The following TLR5 variants were observed in gnomAD, a reference collection of about 807,000 sequenced individuals.
TLR5 encodes toll like receptor 5.
For missense variants in TLR5, 944 were observed against 999.8 expected, an observed-to-expected ratio of 0.94 and a Z score of 0.75; for synonymous variants, 373 against 384.4, an observed-to-expected ratio of 0.97 and a Z score of 0.35.
At chr1:223,119,176 A>AT (rs945472396) in intron 5 of TLR5, among the ~76,000 whole-genome samples, 18 of 152,100 alleles carry the variant, frequency 1.2e-4, no homozygotes, top group Admixed American at 3.3e-4. Context: ...TTAGAATTTA[A>AT]TTTTTGGTTG....
chr1:223,117,572 A>G (rs1656734726), intron 5 of TLR5, among the ~76,000 whole-genome samples: 1 of 151,740 alleles, frequency 6.6e-6, no homozygotes. Flanking sequence ...CAAAAAAAAA[A>G]AAAAAAAAAA....
At position 223,111,115 on chromosome 1, in the gene TLR5, C is replaced by T. The variant is rs1190584238; in HGVS notation, c.1917G>A (p.Lys639=). 6.2e-7 allele frequency: 1 copy of T among 1,614,142 alleles called. No homozygotes were observed. The highest frequency in any genetic ancestry group is 2.2e-5 in the East Asian group (1 of 44,888). The change falls in exon 6 of 6, where the codon AAG becomes AAA. Residue 639 remains lysine (K), a synonymous_variant. Transcript: ENST00000642603. ...CDEEEVLKSL[K]FSLFIVCTVT... Reference sequence around the variant, plus strand: ...CAGTGCATACAATGAAAAGGGAGAACTTTAGGGACTTTAAGACTTCCTCTT... The same window carrying T: ...CAGTGCATACAATGAAAAGGGAGAATTTTAGGGACTTTAAGACTTCCTCTT...
chr1:223,128,980 C>T (rs1195058256), intron 5 of TLR5: 1 of 152,318 alleles, frequency 6.6e-6, no homozygotes, highest in Non-Finnish European at 1.5e-5. Flanking sequence ...GGCCTTCTCT[C>T]CGACCTTCCT....
At chr1:223,116,418 G>A (rs1021005820) in intron 5 of TLR5, among the ~76,000 whole-genome samples, 7 of 152,154 alleles carry the variant, frequency 4.6e-5, no homozygotes, top group South Asian at 4.2e-4. Flanking sequence ...CTTCCCATCC[G>A]GAGTTGTTCA....
rs1656314476 is a variant in TLR5 at position 223,111,208 on chromosome 1, T to C, written c.1824A>G (p.Ile608Met). The C allele has an allele frequency of 6.2e-7, 1 of 1,614,156 alleles. No homozygotes were observed. The highest frequency in any genetic ancestry group is 1.3e-5 in the African/African-American group (1 of 75,038). ...NVTIAGPPAD[I>M]YCVYPDSFSG... is the part of the protein sequence containing the mutation. ...AGAACGAGTCAGGGTACACACAATA[T>C]ATGTCTGCAGGAGGCCCAGCTATAG... is the stretch of plus-strand genomic sequence containing the variant. Residue 608 changes from isoleucine to methionine, a missense_variant, in exon 6 of 6, where the codon ATA becomes ATG. Physicochemically the swap from Ile to Met is conservative, Grantham distance 10. Transcript: ENST00000642603.
chr1:223,124,882 G>T (rs1159765065), intron 5 of TLR5, among the ~76,000 whole-genome samples: 3 of 152,176 alleles, frequency 2.0e-5, no homozygotes, highest in East Asian at 1.9e-4. Flanking sequence ...AGGATTACAG[G>T]CCTGAGCCAC....
At chr1:223,120,589 C>A (rs932338009) in intron 5 of TLR5, among the ~76,000 whole-genome samples, 1 of 152,176 alleles carries the variant, frequency 6.6e-6, no homozygotes, top group African/African-American at 2.4e-5. Flanking sequence ...AATAAACTCT[C>A]GAAATATTTT....
At chr1:223,139,063 C>T (rs897908071) in intron 2 of TLR5, among the ~76,000 whole-genome samples, 2 of 152,240 alleles carry the variant, frequency 1.3e-5, no homozygotes, top group African/African-American at 2.4e-5. Context: ...ATTGTGAGGC[C>T]TCCCCAACCA....
intron 5 of TLR5, chr1:223,123,873 CCAG>C (rs980022239): frequency 5.3e-5 from 8 of 152,168 alleles, no homozygotes; most frequent in African/African-American, 1.9e-4. Flanking sequence ...GCGCCCGACC[CCAG>C]CGGAGGAGTG....
chr1:223,110,731 C>T lies in TLR5; in HGVS notation c.2301G>A (p.Trp767Ter), dbSNP rs758423797. 1 of 1,614,166 alleles carries T rather than the reference C, an allele frequency of 6.2e-7. No individual in the cohort carries two copies. Among genetic ancestry groups the T allele is most frequent in the South Asian group, 1.1e-5 (1 of 91,084 alleles). ...LVSRHFLRDG[W>*]CLEAFSYAQG... Reference sequence around the variant, plus strand: ...GGGCATAACTGAAGGCTTCAAGGCACCAGCCATCTCTAAGGAAGTGTCTGC... The same window carrying T: ...GGGCATAACTGAAGGCTTCAAGGCATCAGCCATCTCTAAGGAAGTGTCTGC... Residue 767 changes from tryptophan to a stop codon, truncating the protein, a stop_gained, in exon 6 of 6, where the codon TGG becomes TGA. Coordinates refer to ENST00000642603, the MANE Select transcript of TLR5 (RefSeq NM_003268.6). LOFTEE classifies it low-confidence loss of function (END_TRUNC).
chr1:223,138,531 C>T (rs1348432743), intron 2 of TLR5, among the ~76,000 whole-genome samples: 1 of 152,188 alleles, frequency 6.6e-6, no homozygotes, highest in Non-Finnish European at 1.5e-5. Context: ...TGCCACTATG[C>T]TCCCAAAATC....
intron 5 of TLR5, among the ~76,000 whole-genome samples, chr1:223,123,230 C>G (rs1657020649): frequency 6.6e-6 from 1 of 152,136 alleles, no homozygotes; most frequent in Non-Finnish European, 1.5e-5. Context: ...AGTGAGAATG[C>G]CAGCTCTGAA....
intron 3 of TLR5, among the ~76,000 whole-genome samples, chr1:223,136,092 T>C (rs929608740): frequency 7.9e-5 from 12 of 152,050 alleles, no homozygotes; most frequent in African/African-American, 2.9e-4. Flanking sequence ...ACAAAGTCTT[T>C]GCCAAGTTGG....
intron 1 of TLR5, 79 bp from the exon 2 acceptor site, chr1:223,141,842 GAGAGAGAGAGAGAGAA>G (rs1435333431): frequency 6.9e-6 from 1 of 145,834 alleles, no homozygotes; most frequent in East Asian, 2.0e-4. Flanking sequence ...GAGAGAGAGA[GAGAGAGAGAGAGAGAA>G]AGAGAGAGAG....
At chr1:223,129,707 C>T (rs1571756341) in intron 5 of TLR5, 2 of 152,286 alleles carry the variant, frequency 1.3e-5, no homozygotes, top group Admixed American at 1.3e-4. Flanking sequence ...ACAGGCAGTC[C>T]GTTCATGCGG....
At chr1:223,120,494 AAGCTGTAGCCTGAACACCTT>A (rs1656908916) in intron 5 of TLR5, among the ~76,000 whole-genome samples, 1 of 152,206 alleles carries the variant, frequency 6.6e-6, no homozygotes, top group Non-Finnish European at 1.5e-5. Flanking sequence ...ATACAAAACC[AAGCTGTAGCCTGAACACCTT>A]AGGCACATGT....
intron 1 of TLR5, 59 bp from the exon 2 acceptor site, chr1:223,141,822 T>TATAGAGAGAG (rs1398290863): frequency 2.3e-5 from 1 of 42,988 alleles, no homozygotes; most frequent in Non-Finnish European, 4.3e-5. Context: ...TATATATATA[T>TATAGAGAGAG]AGAGAGAGAG....
At chr1:223,116,822 T>G (rs1656678345) in intron 5 of TLR5, among the ~76,000 whole-genome samples, 1 of 152,164 alleles carries the variant, frequency 6.6e-6, no homozygotes, top group Non-Finnish European at 1.5e-5. Context: ...AGGGTGCTGA[T>G]TGGTGTATTT....
chr1:223,129,279 T>A (rs994897685), intron 5 of TLR5: 1 of 152,294 alleles, frequency 6.6e-6, no homozygotes, highest in Non-Finnish European at 1.5e-5. Context: ...CACATAAATG[T>A]GCAGTGTCCG....
Sources: gnomAD v4.1 joint callset for allele counts (sites outside exome capture counted in the v4.1 genomes callset) on GRCh38, gnomAD v4.1.1 for gene constraint, MANE v1.5 for transcripts, NCBI Gene and HGNC (gene_info 2026-07-23, HGNC 2026-07-21) for gene names.